VGLL4: variants seen among roughly 807,000 people sequenced by gnomAD.
VGLL4 encodes vestigial like family member 4, also known as transcription cofactor vestigial-like protein 4.
VGLL4 carries 7 observed loss-of-function variants against 21.0 expected under a neutral mutation model. The ratio of observed to expected loss-of-function variants is 0.33; its 90% CI spans 0.19 to 0.63. The LOEUF is 0.63. Ranked by LOEUF, VGLL4 falls within the 20% of genes least tolerant of loss-of-function variation. The probability of loss-of-function intolerance (pLI) is 0.78; values close to 1 mark genes in which losing one functional copy is unlikely to be tolerated. For missense variants in VGLL4, 394 were observed against 425.7 expected, an observed-to-expected ratio of 0.93 and a Z score of 0.66; for synonymous variants, 222 against 173.2, an observed-to-expected ratio of 1.28 and a Z score of -2.21.
At chr3:11,673,202 G>A (rs2076241721) in intron 2 of VGLL4, among the ~76,000 whole-genome samples, 1 of 152,006 alleles carries the variant, frequency 6.6e-6, no homozygotes, top group South Asian at 2.1e-4. Context: ...AGTTAAACCA[G>A]AAAAGCAAAT....
At chr3:11,581,357 G>A (rs956930739) in intron 2 of VGLL4, among the ~76,000 whole-genome samples, 2 of 152,076 alleles carry the variant, frequency 1.3e-5, no homozygotes, top group Non-Finnish European at 2.9e-5. Context: ...GTGAGCCACC[G>A]TGCCCAGCCA....
chr3:11,716,815 G>A (rs923431592), intron 1 of VGLL4, among the ~76,000 whole-genome samples: 49 of 151,840 alleles, frequency 3.2e-4, no homozygotes, highest in African/African-American at 1.2e-3. Context: ...CGGGGGGGTG[G>A]TTTATGTGGA....
At position 11,671,906 on chromosome 3, in the gene VGLL4, T is replaced by A. The variant is rs372255574; in HGVS notation, c.64+31065A>T. On this transcript the variant is annotated intron_variant, in intron 2 of 5. Transcript: ENST00000273038. ...TGCTTGATATTCACCACTCTATTATTATTTTTTGACTAACTTCTTCCTTGT... is the reference window on the plus strand; with the variant it reads ...TGCTTGATATTCACCACTCTATTATAATTTTTTGACTAACTTCTTCCTTGT... Among the ~76,000 whole-genome samples, 16 of 152,350 alleles carry A rather than the reference T, an allele frequency of 1.1e-4. No homozygotes were observed. In the East Asian group the frequency reaches 2.7e-3, roughly 26 times the overall value.
intron 2 of VGLL4, among the ~76,000 whole-genome samples, chr3:11,656,934 G>C (rs975672179): frequency 3.3e-5 from 5 of 152,152 alleles, no homozygotes; most frequent in Admixed American, 6.5e-5. Flanking sequence ...GAGGAGGAGA[G>C]GACTGTCCTA....
intron 2 of VGLL4, chr3:11,582,192 A>G: frequency 7.1e-7 from 1 of 1,409,878 alleles, no homozygotes; most frequent in Non-Finnish European, 9.8e-7. Flanking sequence ...GCTGTCTCGC[A>G]GTTTAAATTA....
chr3:11,579,365 A>T (rs1322457501), intron 2 of VGLL4, among the ~76,000 whole-genome samples: 2 of 152,208 alleles, frequency 1.3e-5, no homozygotes, highest in African/African-American at 4.8e-5. Flanking sequence ...CAGAGTTCCC[A>T]CGGGAAAAAA....
At chr3:11,613,357 A>G (rs1354431237) in intron 1 of VGLL4, among the ~76,000 whole-genome samples, 1 of 152,190 alleles carries the variant, frequency 6.6e-6, no homozygotes, top group Non-Finnish European at 1.5e-5. Context: ...TCCTGGAATC[A>G]GGCACTGATC....
chr3:11,609,006 A>C (rs6442269), intron 1 of VGLL4, among the ~76,000 whole-genome samples: 1 of 152,206 alleles, frequency 6.6e-6, no homozygotes, highest in South Asian at 2.1e-4. Flanking sequence ...CGGGACTACA[A>C]GTGCTCGCCA....
At chr3:11,634,371 C>G (rs2075545444) in intron 1 of VGLL4, among the ~76,000 whole-genome samples, 1 of 152,194 alleles carries the variant, frequency 6.6e-6, no homozygotes, top group Non-Finnish European at 1.5e-5. Flanking sequence ...TGCCAGGCTC[C>G]TCCCCTAAGG....
At chr3:11,574,783 ATATGTGTGTGTGTGTGTGTG>A (rs1366638652) in intron 2 of VGLL4, among the ~76,000 whole-genome samples, 10 of 111,782 alleles carry the variant, frequency 8.9e-5, no homozygotes, top group African/African-American at 2.0e-4. Flanking sequence ...ATTCAACTAT[ATATGTGTGTGTGTGTGTGTG>A]TGTGTGTGTG....
chr3:11,629,746 CAAAAAAAAAA>C (rs10609918), intron 1 of VGLL4, among the ~76,000 whole-genome samples: 1 of 85,362 alleles, frequency 1.2e-5, no homozygotes, highest in African/African-American at 4.7e-5. Flanking sequence ...AGACGGGTCT[CAAAAAAAAAA>C]AAAAAAAAAA....
At chr3:11,692,625 G>C (rs1342776201) in intron 2 of VGLL4, among the ~76,000 whole-genome samples, 2 of 152,040 alleles carry the variant, frequency 1.3e-5, no homozygotes, top group Non-Finnish European at 2.9e-5. Flanking sequence ...ACTGTCCACA[G>C]CTGCCGACAC....
chr3:11,622,784 G>T (rs796615297), intron 1 of VGLL4, among the ~76,000 whole-genome samples: 28 of 152,178 alleles, frequency 1.8e-4, no homozygotes, highest in African/African-American at 6.3e-4. Context: ...TGCTTTCGAG[G>T]GATTATAGAA....
intron 2 of VGLL4, among the ~76,000 whole-genome samples, chr3:11,576,109 G>A (rs544105212): frequency 6.6e-6 from 1 of 152,228 alleles, no homozygotes. Context: ...CTGAGAACAT[G>A]ACCGGTAAAG....
chr3:11,706,430 G>A lies in VGLL4; in HGVS notation c.-13-3383C>T, dbSNP rs189248286. ...CTTTCAAGGAGTCACGCTCTTGTTC[G>A]GAAACTAAATTTTATAAGATAGGAT... is the stretch of plus-strand genomic sequence containing the variant. On this transcript the variant is annotated intron_variant, in intron 1 of 5. Transcript: ENST00000273038. Among the ~76,000 whole-genome samples, 194 of 152,240 alleles carry A rather than the reference G, an allele frequency of 1.3e-3. 1 individual carries two copies. The highest frequency in any genetic ancestry group is 4.3e-3 in the African/African-American group (180 of 41,532).
At chr3:11,696,816 G>A (rs1454819836) in intron 2 of VGLL4, among the ~76,000 whole-genome samples, 1 of 152,152 alleles carries the variant, frequency 6.6e-6, no homozygotes, top group Non-Finnish European at 1.5e-5. Flanking sequence ...ACAGTTCACT[G>A]CAGCCTAGTA....
chr3:11,637,056 T>TAA (rs34115389), intron 1 of VGLL4, among the ~76,000 whole-genome samples: 3,227 of 129,352 alleles, frequency 0.025, 113 homozygotes, highest in Admixed American at 0.12. Flanking sequence ...CTATACAGGG[T>TAA]AAAAAAAAAA....
intron 1 of VGLL4, among the ~76,000 whole-genome samples, chr3:11,636,422 AT>A (rs1380656432): frequency 6.6e-6 from 1 of 152,214 alleles, no homozygotes; most frequent in Non-Finnish European, 1.5e-5. Context: ...TTCATTCACA[AT>A]TTTAGATGGT....
intron 2 of VGLL4, among the ~76,000 whole-genome samples, chr3:11,690,971 T>G (rs2076518655): frequency 6.6e-6 from 1 of 152,090 alleles, no homozygotes; most frequent in Non-Finnish European, 1.5e-5. Flanking sequence ...AGAAAAGATG[T>G]GGCCTTTGTC....
Sources: gnomAD v4.1 joint callset for allele counts (sites outside exome capture counted in the v4.1 genomes callset) on GRCh38, gnomAD v4.1.1 for gene constraint, MANE v1.5 for transcripts, NCBI Gene and HGNC (gene_info 2026-07-23, HGNC 2026-07-21) for gene names.